Variants in TMEM131L observed in about 807,000 individuals in gnomAD.
The protein encoded by TMEM131L is transmembrane protein 131-like.
In TMEM131L, 54 loss-of-function variants were observed where a neutral mutation model predicts 192.2. The ratio of observed to expected loss-of-function variants is 0.28; its 90% CI spans 0.23 to 0.35. The LOEUF is 0.35. Among genes scored for constraint, TMEM131L ranks in the 10% least tolerant of loss-of-function variants. TMEM131L has a pLI of 1.00. For missense variants in TMEM131L, 1,888 were observed against 1,972.9 expected, an observed-to-expected ratio of 0.96 and a Z score of 0.82; for synonymous variants, 701 against 704.9, an observed-to-expected ratio of 0.99 and a Z score of 0.09.
chr4:153,588,886 T>C lies in TMEM131L; in HGVS notation c.1553-4T>C, dbSNP rs761124454. 1 of 1,466,396 alleles carries C rather than the reference T, an allele frequency of 6.8e-7. No homozygotes were observed. Among genetic ancestry groups the C allele is most frequent in the Non-Finnish European group, 9.6e-7 (1 of 1,046,228 alleles). The allele number at this position is 1,466,396 out of a possible 1,614,324, so 90.8% of individuals were successfully genotyped here. ...CTAAATATGGAATCTGATCTAACTT[T>C]TAGGAAATCCTAATTGGAATGGGAG... is the stretch of plus-strand genomic sequence containing the variant. On this transcript the variant is annotated splice_region_variant and splice_polypyrimidine_tract_variant and intron_variant, in intron 15 of 34. Coordinates refer to ENST00000409959, the MANE Select transcript of TMEM131L (RefSeq NM_001131007.2).
chr4:153,578,239 C>A (rs1273012847), intron 7 of TMEM131L, among the ~76,000 whole-genome samples: 1 of 152,138 alleles, frequency 6.6e-6, no homozygotes, highest in African/African-American at 2.4e-5. Context: ...GCTTGTAGTC[C>A]CAGCTACTCA....
At chr4:153,529,239 G>T (rs1735720770) in intron 3 of TMEM131L, among the ~76,000 whole-genome samples, 1 of 152,200 alleles carries the variant, frequency 6.6e-6, no homozygotes, top group Admixed American at 6.5e-5. Context: ...ACTGGTAAAA[G>T]AAATGATTGA....
intron 3 of TMEM131L, among the ~76,000 whole-genome samples, chr4:153,519,126 A>G (rs1472724635): frequency 6.6e-6 from 1 of 152,194 alleles, no homozygotes; most frequent in African/African-American, 2.4e-5. Context: ...CTTAGGGGAC[A>G]TGAGAAGTCT....
intron 27 of TMEM131L, 109 bp downstream of exon 27, chr4:153,620,989 A>G: frequency 1.4e-6 from 1 of 729,004 alleles, no homozygotes. Flanking sequence ...TACCGATAAT[A>G]TGAGAGTGTA....
rs537916191 is a variant in TMEM131L at position 153,582,907 on chromosome 4, T to G, written c.893-283T>G. On this transcript the variant is annotated intron_variant, in intron 9 of 34. Coordinates refer to ENST00000409959, the MANE Select transcript of TMEM131L (RefSeq NM_001131007.2). ...GTTAGTTTCATTCAGAAGAGCATTG[T>G]GTGACCCTAAACTCAGAATTTTGCT... 4.6e-5 allele frequency among the ~76,000 whole-genome samples: 7 copies of G among 152,288 alleles called. No homozygotes were observed. The South Asian group carries it at 1.5e-3, about 32-fold the overall frequency.
Position 153,602,221 on chromosome 4 carries a change from C to G in TMEM131L, c.2336C>G (p.Pro779Arg). Reference protein sequence around the residue: ...NFKVENIGPLPITVSSLKING... With the variant: ...NFKVENIGPLRITVSSLKING... ...AAAGTTGAGAATATTGGACCTCTTC[C>G]TATAACTGTTTCGTCTCTGAAAATT... Residue 779 changes from proline (P) to arginine (R), a missense_variant, in exon 22 of 35, where the codon CCT becomes CGT. By Grantham distance (103) the Pro-to-Arg change is moderately radical. Transcript: ENST00000409959. 6.2e-7 allele frequency: 1 copy of G among 1,613,032 alleles called. No individual in the cohort carries two copies. Among genetic ancestry groups the G allele is most frequent in the Non-Finnish European group, 8.5e-7 (1 of 1,179,374 alleles).
At position 153,594,019 on chromosome 4, in the gene TMEM131L, A is replaced by G. The variant is rs528823951; in HGVS notation, c.1995+148A>G. 1.8e-5 allele frequency: 11 copies of G among 617,784 alleles called. No individual in the cohort carries two copies. The South Asian group carries it at 2.0e-4, about 11-fold the overall frequency. 38.3% of individuals were successfully genotyped at this position (617,784 alleles called of 1,614,324 possible). The stretch of plus-strand genomic sequence containing the variant: ...TCTCTGGGCATTAACGATACATAGC[A>G]GATTTTTCCAGTTAACTAGTGCGGT... On this transcript the variant is annotated intron_variant, in intron 19 of 34. Transcript: ENST00000409959.
At chr4:153,629,544 T>C (rs1530106) in intron 31 of TMEM131L, among the ~76,000 whole-genome samples, 25,521 of 152,266 alleles carry the variant, frequency 0.17, 2,723 homozygotes, top group Non-Finnish European at 0.24. Context: ...CAGTGGCTGC[T>C]CTGTTTCTCT....
intron 3 of TMEM131L, among the ~76,000 whole-genome samples, chr4:153,512,405 CATTT>C (rs1734416505): frequency 6.6e-6 from 1 of 152,092 alleles, no homozygotes; most frequent in Non-Finnish European, 1.5e-5. Context: ...GGACAGTAAG[CATTT>C]ATTTATTTTT....
At chr4:153,500,382 C>G (rs1454426340) in intron 3 of TMEM131L, among the ~76,000 whole-genome samples, 1 of 152,244 alleles carries the variant, frequency 6.6e-6, no homozygotes, top group African/African-American at 2.4e-5. Flanking sequence ...GCTGGGATTA[C>G]AGGCGTGAGC....
Position 153,627,661 on chromosome 4 carries a change from G to A in TMEM131L, c.4181G>A (p.Gly1394Glu). The change falls in exon 31 of 35, where the codon GGG becomes GAG. Residue 1394 changes from glycine to glutamate, a missense_variant. Gly to Glu is a moderately conservative substitution (Grantham distance 98). Transcript: ENST00000409959. The stretch of plus-strand genomic sequence containing the variant: ...CCTTCCTGTCCCAGCCTTCCTGCCG[G>A]GCCCACAGGTGTTGAAGAAGATAAA... ...AEPSCPSLPA[G>E]PTGVEEDKGL... 1 of 1,614,044 alleles carries A rather than the reference G, an allele frequency of 6.2e-7. No homozygotes were observed. The highest frequency in any genetic ancestry group is 1.7e-4 in the Middle Eastern group (1 of 6,060).
In TMEM131L at chr4:153,592,693, C is replaced by T. The variant is rs187389089; in HGVS notation, c.1922+109C>T. 6.5e-6 allele frequency: 5 copies of T among 764,022 alleles called. No individual in the cohort carries two copies. In the East Asian group the frequency reaches 1.3e-4, roughly 20 times the overall value. The allele number at this position is 764,022 out of a possible 1,614,324, so 47.3% of individuals were successfully genotyped here. ...CAGGACCTGTGTGTGGATGTGGACACAGTATTAACCGATTAGCTCATGGAC... is the reference window on the plus strand; with the variant it reads ...CAGGACCTGTGTGTGGATGTGGACATAGTATTAACCGATTAGCTCATGGAC... On this transcript the variant is annotated intron_variant, in intron 18 of 34. Transcript: ENST00000409959.
At chr4:153,556,929 G>C in intron 5 of TMEM131L, 37 bp from the exon 6 acceptor site, 1 of 919,636 alleles carries the variant, frequency 1.1e-6, no homozygotes, top group Middle Eastern at 2.2e-4. Context: ...ATCAAAGGAG[G>C]CCATTCCAAG....
intron 3 of TMEM131L, among the ~76,000 whole-genome samples, chr4:153,506,836 C>G (rs2150040085): frequency 7.9e-6 from 1 of 126,642 alleles, no homozygotes; most frequent in East Asian, 2.3e-4. Flanking sequence ...GAGTGAGACT[C>G]TGTATCCAAA....
At chr4:153,613,051 G>C (rs1263507592) in intron 26 of TMEM131L, among the ~76,000 whole-genome samples, 1 of 152,172 alleles carries the variant, frequency 6.6e-6, no homozygotes, top group Non-Finnish European at 1.5e-5. Flanking sequence ...CAGTGGAGCA[G>C]TATCATTGAG....
At chr4:153,603,726 T>A (rs1732009508) in intron 24 of TMEM131L, 76 bp from the exon 25 acceptor site, 1 of 1,445,508 alleles carries the variant, frequency 6.9e-7, no homozygotes, top group African/African-American at 1.4e-5. Flanking sequence ...TACCCTTTTC[T>A]CATGGATATG....
chr4:153,480,251 A>G (rs1731831429), intron 3 of TMEM131L, among the ~76,000 whole-genome samples: 1 of 152,224 alleles, frequency 6.6e-6, no homozygotes. Flanking sequence ...AGGCAGGAGA[A>G]TGGCATGAAC....
At chr4:153,515,214 G>A (rs1734649353) in intron 3 of TMEM131L, among the ~76,000 whole-genome samples, 1 of 152,126 alleles carries the variant, frequency 6.6e-6, no homozygotes, top group Admixed American at 6.5e-5. Flanking sequence ...CAACTTATTA[G>A]AAAACACCAC....
At chr4:153,584,675 A>G (rs952841287) in intron 11 of TMEM131L, among the ~76,000 whole-genome samples, 160 bp from the exon 12 acceptor site, 8 of 152,260 alleles carry the variant, frequency 5.3e-5, no homozygotes, top group Admixed American at 5.2e-4. Flanking sequence ...AGAAGATGAC[A>G]GGAACATTTG....
Sources: gnomAD v4.1 joint callset for allele counts (sites outside exome capture counted in the v4.1 genomes callset) on GRCh38, gnomAD v4.1.1 for gene constraint, MANE v1.5 for transcripts, NCBI Gene and HGNC (gene_info 2026-07-23, HGNC 2026-07-21) for gene names.